The following MAX variants were observed in gnomAD, a reference collection of about 807,000 sequenced individuals.
The protein encoded by MAX is MYC associated transcriptional regulator X.
MAX carries 3 observed loss-of-function variants against 22.3 expected under a neutral mutation model. That is an observed-to-expected ratio of 0.13 (90% confidence interval 0.06 to 0.35). The LOEUF (loss-of-function observed/expected upper bound fraction) is 0.35. MAX is among the 10% of genes least tolerant of loss of function. The pLI is 1.00. For synonymous variants in MAX, 72 were observed against 77.7 expected, an observed-to-expected ratio of 0.93 and a Z score of 0.39; for missense variants, 119 against 209.4, an observed-to-expected ratio of 0.57 and a Z score of 2.66.
In MAX at chr14:65,070,109, A is replaced by G. The variant is rs749935993; in HGVS notation, c.171+23599T>C. Among the ~76,000 whole-genome samples the G allele has an allele frequency of 9.9e-5, 15 of 152,214 alleles. No individual in the cohort carries two copies. Among genetic ancestry groups the G allele is most frequent in the Non-Finnish European group, 1.3e-4 (9 of 68,038 alleles). ...CTGCCAGCCGGATTCCGGATGAGTG[A>G]CTGGGGGTGCATGCCCATTGGGTTA... On this transcript the variant is annotated intron_variant, in intron 3 of 3. Transcript: ENST00000341653. The surrounding 1 kb of genome is among the most constrained non-coding windows in gnomAD (Gnocchi z 4.4).
chr14:65,006,156 CTTT>C (rs367570902), downstream of MAX: 3,951 of 1,468,660 alleles, frequency 2.7e-3, no homozygotes, highest in Middle Eastern at 5.2e-3. Flanking sequence ...ACCTTTGTGT[CTTT>C]TTTTTTTTTT....
intron 3 of MAX, among the ~76,000 whole-genome samples, chr14:65,010,487 G>A (rs2061666249): frequency 6.6e-6 from 1 of 152,136 alleles, no homozygotes; most frequent in Non-Finnish European, 1.5e-5. Context: ...GCTGATCACG[G>A]GTCACACACT....
chr14:65,040,277 ATG>A (rs906756036), intron 3 of MAX, among the ~76,000 whole-genome samples: 1 of 148,712 alleles, frequency 6.7e-6, no homozygotes, highest in Admixed American at 6.7e-5. Flanking sequence ...ATGTATATAT[ATG>A]TGTGTATATA....
At position 65,102,470 on chromosome 14, in the gene MAX, C is replaced by G. The variant is rs571904559; in HGVS notation, c.-131G>C. 1.2e-5 allele frequency: 18 copies of G among 1,521,100 alleles called. No individual in the cohort carries two copies. The East Asian group carries it at 3.9e-4, about 33-fold the overall frequency. 94.2% of individuals were successfully genotyped at this position (1,521,100 alleles called of 1,614,324 possible). A position where few individuals can be genotyped will look rare whatever the true frequency, so the allele number is the denominator to read the frequency against. Reference sequence around the variant, plus strand: ...ACACTCACTCACTCACTCACTCGCTCTCTCACTCACACACACACACAACAC... The same window carrying G: ...ACACTCACTCACTCACTCACTCGCTGTCTCACTCACACACACACACAACAC... On this transcript the variant is annotated 5_prime_UTR_variant, in exon 1 of 5. Transcript: ENST00000358664.
Position 65,077,085 on chromosome 14 carries a change from C to G in MAX, c.296-422G>C. On this transcript the variant is annotated intron_variant, in intron 4 of 4. Transcript: ENST00000358664. The surrounding 1 kb of genome is among the most constrained non-coding windows in gnomAD (Gnocchi z 6.3). ...GACATAAGACGTATCAGCCAAAGAA[C>G]AGTTTTGGCTTAGCTCTCGTGTACA... 1 of 576,732 alleles carries G rather than the reference C, an allele frequency of 1.7e-6. No homozygotes were observed. The highest frequency in any genetic ancestry group is 3.1e-6 in the Non-Finnish European group (1 of 326,048). 35.7% of individuals were successfully genotyped at this position (576,732 alleles called of 1,614,324 possible). A position where few individuals can be genotyped will look rare whatever the true frequency, so the allele number is the denominator to read the frequency against.
In MAX at chr14:65,047,596, GC is replaced by G. The variant is rs2062511980; in HGVS notation, c.172-41313del. 6.6e-6 allele frequency among the ~76,000 whole-genome samples: 1 copy of G among 152,096 alleles called. No individual in the cohort carries two copies. Among genetic ancestry groups the G allele is most frequent in the African/African-American group, 2.4e-5 (1 of 41,418 alleles). On this transcript the variant is annotated intron_variant, in intron 3 of 3. Coordinates refer to the MAX transcript ENST00000341653. This position sits in a 1 kb window ranked among gnomAD's most constrained non-coding sequence, Gnocchi z 5.2. ...AATAGGTTAAGTCATTTTTTGGAGGGCAGTTTGGAGACATCCATTTAAATTA... is the reference window on the plus strand; with the variant it reads ...AATAGGTTAAGTCATTTTTTGGAGGGAGTTTGGAGACATCCATTTAAATTA...
Position 65,054,557 on chromosome 14 carries a change from A to G in MAX, c.171+39151T>C, listed in dbSNP as rs775728767. ...GCGGAGCAGAGGAGCGCCTGCTCAGAGCTGCCTGTCCTTACAGGTCGCGTG... is the reference window on the plus strand; with the variant it reads ...GCGGAGCAGAGGAGCGCCTGCTCAGGGCTGCCTGTCCTTACAGGTCGCGTG... On this transcript the variant is annotated intron_variant, in intron 3 of 3. Transcript: ENST00000341653. The surrounding 1 kb of genome is among the most constrained non-coding windows in gnomAD (Gnocchi z 4.4). The G allele has an allele frequency of 6.2e-7, 1 of 1,608,858 alleles. No individual in the cohort carries two copies. The highest frequency in any genetic ancestry group is 1.1e-5 in the South Asian group (1 of 89,918).
At chr14:65,020,435 C>T (rs2061863115) in intron 3 of MAX, among the ~76,000 whole-genome samples, 1 of 146,108 alleles carries the variant, frequency 6.8e-6, no homozygotes, top group African/African-American at 2.8e-5. Context: ...TTCAGCTTGC[C>T]TCTTTTTTTT....
At chr14:65,073,638 G>A (rs1453915995), downstream of MAX, among the ~76,000 whole-genome samples, 2 of 152,186 alleles carry the variant, frequency 1.3e-5, no homozygotes, top group African/African-American at 4.8e-5. Context: ...TACCATTACT[G>A]TGAGAGAGTA....
rs530258164 is a variant in MAX, at chr14:65,075,259, C to G, written c.*1217G>C. The G allele has an allele frequency of 1.9e-5, 20 of 1,059,796 alleles. No individual in the cohort carries two copies. Among genetic ancestry groups the G allele is most frequent in the Admixed American group, 1.1e-4 (2 of 18,530 alleles). The allele number at this position is 1,059,796 out of a possible 1,614,324, so 65.6% of individuals were successfully genotyped here. A position where few individuals can be genotyped will look rare whatever the true frequency, so the allele number is the denominator to read the frequency against. ...TGGAATCAAACACGAACTGAGACTA[C>G]AGAGTATACACTAGAAATCAGCAAA... On this transcript the variant is annotated 3_prime_UTR_variant, in exon 5 of 5. Coordinates refer to ENST00000358664, the MANE Select transcript of MAX (RefSeq NM_002382.5). This position sits in a 1 kb window ranked among gnomAD's most constrained non-coding sequence, Gnocchi z 4.1.
intron 3 of MAX, among the ~76,000 whole-genome samples, chr14:65,048,401 C>G (rs1237711112): frequency 4.0e-5 from 6 of 151,754 alleles, no homozygotes; most frequent in Admixed American, 3.9e-4. Flanking sequence ...AGGCATTGAT[C>G]ATATTGCTAA....
chr14:65,061,152 T>A, intron 3 of MAX: 1 of 1,612,926 alleles, frequency 6.2e-7, no homozygotes, highest in East Asian at 2.2e-5. Flanking sequence ...ACCGGGGTGA[T>A]TAACTGGCAC....
chr14:65,066,350 T>A (rs568911125), intron 3 of MAX, among the ~76,000 whole-genome samples: 1 of 152,278 alleles, frequency 6.6e-6, no homozygotes, highest in East Asian at 1.9e-4. Context: ...CCTCACACTT[T>A]CCTGCAGTAA....
chr14:65,027,264 A>G lies in MAX; in HGVS notation c.172-20980T>C. 2 of 883,332 alleles carry G rather than the reference A, an allele frequency of 2.3e-6. No individual in the cohort carries two copies. Among genetic ancestry groups the G allele is most frequent in the East Asian group, 2.7e-5 (1 of 37,732 alleles). The allele number at this position is 883,332 out of a possible 1,614,324, so 54.7% of individuals were successfully genotyped here. On this transcript the variant is annotated intron_variant, in intron 3 of 3. Coordinates refer to the MAX transcript ENST00000341653. This position sits in a 1 kb window ranked among gnomAD's most constrained non-coding sequence, Gnocchi z 5.7. ...ACGAAACTCAGAGGAGGGCAGACAG[A>G]AATGATGATAGCTGGAGAGAGAATT...
At chr14:65,074,662 C>T (rs1246270371), downstream of MAX, among the ~76,000 whole-genome samples, 2 of 152,220 alleles carry the variant, frequency 1.3e-5, no homozygotes, top group South Asian at 2.1e-4. Flanking sequence ...AGAGCTAACT[C>T]GGTGCAGTTG....
At chr14:65,035,059 T>G (rs956367294) in intron 3 of MAX, among the ~76,000 whole-genome samples, 1 of 152,264 alleles carries the variant, frequency 6.6e-6, no homozygotes, top group Non-Finnish European at 1.5e-5. Context: ...AAACTTGAAC[T>G]GAGTTTAAAT....
At position 65,075,200 on chromosome 14, in the gene MAX, C is replaced by G. The variant is rs748335228; in HGVS notation, c.*1276G>C. Reference sequence around the variant, plus strand: ...CTTAACTTGCAAGACAATTCTTCGGCAGTATGTACAACATACTTTTTATTT... The same window carrying G: ...CTTAACTTGCAAGACAATTCTTCGGGAGTATGTACAACATACTTTTTATTT... On this transcript the variant is annotated 3_prime_UTR_variant, in exon 5 of 5. Coordinates refer to ENST00000358664, the MANE Select transcript of MAX (RefSeq NM_002382.5). The surrounding 1 kb of genome is among the most constrained non-coding windows in gnomAD (Gnocchi z 4.1). The G allele has an allele frequency of 1.5e-4, 160 of 1,045,240 alleles. 1 individual carries two copies. The highest frequency in any genetic ancestry group is 1.8e-4 in the Non-Finnish European group (158 of 866,746). The allele number at this position is 1,045,240 out of a possible 1,614,324, so 64.7% of individuals were successfully genotyped here.
At chr14:65,038,026 A>G (rs1333932131) in intron 3 of MAX, among the ~76,000 whole-genome samples, 2 of 151,998 alleles carry the variant, frequency 1.3e-5, no homozygotes, top group East Asian at 1.9e-4. Context: ...TGGTCTCCCA[A>G]AGTGCTGGGA....
chr14:65,060,885 A>C (rs1170344662), intron 3 of MAX, among the ~76,000 whole-genome samples: 1 of 151,420 alleles, frequency 6.6e-6, no homozygotes, highest in East Asian at 1.9e-4. Context: ...AAAAAAAAAA[A>C]AAAAAAAAAA....
Sources: allele counts gnomAD v4.1 joint callset (sites outside exome capture counted in the v4.1 genomes callset), GRCh38; gene constraint gnomAD v4.1.1; non-coding constraint Gnocchi (gnomAD v3.1); transcripts MANE v1.5; gene names NCBI Gene and HGNC (gene_info 2026-07-23, HGNC 2026-07-21).